The following STRBP variants were observed in gnomAD, a reference collection of about 807,000 sequenced individuals.
STRBP encodes spermatid perinuclear RNA-binding protein.
In STRBP, 13 loss-of-function variants were observed where a neutral mutation model predicts 80.1. The observed-to-expected ratio is 0.16, with a 90% confidence interval of 0.11 to 0.26. The LOEUF is 0.26. Ranked by LOEUF, STRBP falls within the 10% of genes least tolerant of loss-of-function variation. The pLI, the probability that STRBP is intolerant of heterozygous loss-of-function variation, is 1.00. For synonymous variants in STRBP, 284 were observed against 291.2 expected (o/e 0.98, Z 0.25); for missense variants, 485 against 815.2 (o/e 0.59, Z 4.93).
chr9:123,154,745 A>G (rs1452781396), intron 11 of STRBP, among the ~76,000 whole-genome samples: 1 of 152,216 alleles, frequency 6.6e-6, no homozygotes, highest in Non-Finnish European at 1.5e-5. Context: ...GGGATACTTC[A>G]GGCAAGTGGT....
At position 123,132,817 on chromosome 9, in the gene STRBP, G is replaced by T. The variant is rs771253829; in HGVS notation, c.1897+28C>A. On this transcript the variant is annotated intron_variant, in intron 17 of 18. Transcript: ENST00000348403. The stretch of plus-strand genomic sequence containing the variant: ...CTTTGAATTTCGGCCCAGTAAAGGG[G>T]GCCAATCTCTTGCAGTTTGTACTAT... 29 of 1,611,884 alleles carry T rather than the reference G, an allele frequency of 1.8e-5. 2 individuals are homozygous for T. The South Asian group carries it at 3.2e-4, about 18-fold the overall frequency.
In STRBP at chr9:123,168,692, C is replaced by T. The variant is rs558769837; in HGVS notation, c.535+1210G>A. 1.0e-3 allele frequency among the ~76,000 whole-genome samples: 156 copies of T among 152,302 alleles called. 7 individuals are homozygous for T. In the South Asian group the frequency reaches 0.031, roughly 31 times the overall value. On this transcript the variant is annotated intron_variant, in intron 6 of 18. Transcript: ENST00000348403. The stretch of plus-strand genomic sequence containing the variant: ...AATAGCAACAGGGAGTCCCCACTGG[C>T]CCAGATAGGCTGCAATGCCTCTAAA...
chr9:123,208,468 T>C (rs1175768530), intron 2 of STRBP, among the ~76,000 whole-genome samples: 1 of 152,120 alleles, frequency 6.6e-6, no homozygotes, highest in Non-Finnish European at 1.5e-5. Context: ...TAGGACTTAC[T>C]CTAGTGCAGG....
chr9:123,111,162 G>C (rs2035560027), intron 3 of STRBP: 1 of 168,036 alleles, frequency 6.0e-6, no homozygotes, highest in Non-Finnish European at 1.5e-5. Context: ...AGCCAGTGAA[G>C]TGATATCCAC....
chr9:123,153,463 T>A (rs531667120), intron 11 of STRBP, among the ~76,000 whole-genome samples: 2 of 152,150 alleles, frequency 1.3e-5, no homozygotes, highest in Admixed American at 1.3e-4. Flanking sequence ...AGTGCTGGGA[T>A]TACAGGTGTG....
intron 2 of STRBP, among the ~76,000 whole-genome samples, chr9:123,235,673 T>C (rs1314047402): frequency 6.6e-6 from 1 of 151,226 alleles, no homozygotes; most frequent in African/African-American, 2.4e-5. Context: ...AATGGCACTC[T>C]TTGTCTGATC....
At position 123,122,479 on chromosome 9, in the gene STRBP, ATC is replaced by A. The variant is rs2035763334; in HGVS notation, c.*3116_*3117del. 1 of 1,196,696 alleles carries A rather than the reference ATC, an allele frequency of 8.4e-7. No individual in the cohort carries two copies. Among genetic ancestry groups the A allele is most frequent in the African/African-American group, 1.6e-5 (1 of 62,270 alleles). 74.1% of individuals were successfully genotyped at this position (1,196,696 alleles called of 1,614,324 possible). On this transcript the variant is annotated 3_prime_UTR_variant, in exon 19 of 19. Coordinates refer to ENST00000348403, the MANE Select transcript of STRBP (RefSeq NM_018387.5). ...AAAAGAAAAGGCCAATACCAGCAAA[ATC>A]TCTCAGTGGTTTGTTCCCCAGGCTA...
intron 2 of STRBP, among the ~76,000 whole-genome samples, chr9:123,206,082 T>G (rs531542139): frequency 6.6e-6 from 1 of 152,280 alleles, no homozygotes; most frequent in South Asian, 2.1e-4. Context: ...TGTTCGCCAA[T>G]TGTGAACAAA....
At chr9:123,206,650 T>A (rs1372032786) in intron 2 of STRBP, among the ~76,000 whole-genome samples, 1 of 152,204 alleles carries the variant, frequency 6.6e-6, no homozygotes, top group Non-Finnish European at 1.5e-5. Flanking sequence ...TTATTTTTTT[T>A]ATTTTTGACA....
rs1321788480 is a variant in STRBP, at chr9:123,123,626, CGT to C, written c.*1969_*1970del. 15 of 984,982 alleles carry C rather than the reference CGT, an allele frequency of 1.5e-5. No individual in the cohort carries two copies. The highest frequency in any genetic ancestry group is 1.8e-5 in the Non-Finnish European group (15 of 829,890). The allele number at this position is 984,982 out of a possible 1,614,324, so 61.0% of individuals were successfully genotyped here. On this transcript the variant is annotated 3_prime_UTR_variant, in exon 19 of 19. Transcript: ENST00000348403. ...GCTCCCTTTTCACCATTACAGAGCGCGTGAGTTATGAAGCAGAGTCAGCTACT... is the reference window on the plus strand; with the variant it reads ...GCTCCCTTTTCACCATTACAGAGCGCGAGTTATGAAGCAGAGTCAGCTACT...
intron 2 of STRBP, among the ~76,000 whole-genome samples, chr9:123,188,446 C>G (rs2038788959): frequency 1.3e-5 from 2 of 152,104 alleles, no homozygotes; most frequent in Admixed American, 1.3e-4. Context: ...TCGAGACCAT[C>G]CTGGCTAACA....
At chr9:123,230,142 T>C (rs1297319981) in intron 2 of STRBP, among the ~76,000 whole-genome samples, 2 of 152,062 alleles carry the variant, frequency 1.3e-5, no homozygotes, top group East Asian at 1.9e-4. Context: ...TAAAGGACGA[T>C]GAAAAAGCAG....
Position 123,179,173 on chromosome 9 carries a change from T to C in STRBP, c.58A>G (p.Thr20Ala). 2.5e-6 allele frequency: 4 copies of C among 1,612,876 alleles called. No individual in the cohort carries two copies. The highest frequency in any genetic ancestry group is 3.4e-6 in the Non-Finnish European group (4 of 1,178,902). Residue 20 changes from threonine (T) to alanine (A), a missense_variant, in exon 4 of 19, where the codon ACA becomes GCA. Physicochemically the swap from Thr to Ala is moderately conservative, Grantham distance 58. This residue lies in a region of STRBP where 377 missense variants were observed against 616.1 expected (regional missense o/e 0.61). Transcript: ENST00000348403. ...AGTTCCTCCGGAGATGGATAGATTG[T>C]TGAATGTTTCACCATAACATGGCGA... The part of the protein sequence containing the change: ...DDRHVMVKHS[T>A]IYPSPEELEA...
chr9:123,168,605 C>T (rs983440987), intron 6 of STRBP, among the ~76,000 whole-genome samples: 4 of 152,284 alleles, frequency 2.6e-5, no homozygotes, highest in Admixed American at 6.5e-5. Flanking sequence ...ATATTTACTG[C>T]GGCACTGGTA....
chr9:123,200,763 A>G (rs1167713351), intron 2 of STRBP, among the ~76,000 whole-genome samples: 1 of 1,754 alleles, frequency 5.7e-4, no homozygotes, highest in Non-Finnish European at 2.1e-3. Context: ...TTTTTTTTTT[A>G]GTAGAGACCA....
chr9:123,259,963 G>A (rs1241172864), intron 1 of STRBP, among the ~76,000 whole-genome samples: 8 of 152,206 alleles, frequency 5.3e-5, no homozygotes, highest in Non-Finnish European at 1.0e-4. Flanking sequence ...TTTCAGTAGA[G>A]TGGTGGGGTT....
intron 2 of STRBP, among the ~76,000 whole-genome samples, chr9:123,198,217 C>G (rs971453985): frequency 6.6e-6 from 1 of 152,032 alleles, no homozygotes; most frequent in Non-Finnish European, 1.5e-5. Flanking sequence ...CTCAGCTCAC[C>G]GCAATCTCCA....
chr9:123,182,217 TA>T (rs10546358), intron 3 of STRBP, among the ~76,000 whole-genome samples: 8,402 of 67,682 alleles, frequency 0.12, 279 homozygotes, highest in Non-Finnish European at 0.22. Context: ...TCCGTTTCTT[TA>T]AAAAAAAAAA....
intron 2 of STRBP, among the ~76,000 whole-genome samples, chr9:123,191,130 T>G (rs781066398): frequency 1.3e-5 from 2 of 152,030 alleles, no homozygotes; most frequent in Non-Finnish European, 2.9e-5. Flanking sequence ...TTAGAAGGTG[T>G]GAAATGCTTG....
Sources: gnomAD v4.1 joint callset for allele counts (sites outside exome capture counted in the v4.1 genomes callset) on GRCh38, gnomAD v4.1.1 for gene constraint, gnomAD v4.1.1 regional missense constraint, MANE v1.5 for transcripts, NCBI Gene and HGNC (gene_info 2026-07-23, HGNC 2026-07-21) for gene names.